RSU1: variants seen among roughly 807,000 people sequenced by gnomAD.
RSU1 encodes the protein rsu-1.
Under a neutral mutation model 31.1 loss-of-function variants are expected in RSU1, and 26 were observed. The observed-to-expected ratio is 0.84, with a 90% CI of 0.61 to 1.16. The LOEUF (loss-of-function observed/expected upper bound fraction) is 1.16. Among genes scored for constraint, RSU1 ranks in the 50% most tolerant of loss-of-function variants. The pLI, the probability that RSU1 is intolerant of heterozygous loss-of-function variation, is 0.00. For missense variants in RSU1, 320 were observed against 339.1 expected (o/e 0.94, Z 0.44); for synonymous variants, 164 against 136.3 (o/e 1.20, Z -1.41).
At chr10:16,635,004 A>T in intron 8 of RSU1, among the ~76,000 whole-genome samples, 1 of 152,330 alleles carries the variant, frequency 6.6e-6, no homozygotes, top group East Asian at 1.9e-4. Flanking sequence ...GTTTCTTACC[A>T]AGTTATTATA....
intron 2 of RSU1, among the ~76,000 whole-genome samples, chr10:16,794,697 G>C (rs544259390): frequency 1.3e-5 from 2 of 152,344 alleles, no homozygotes; most frequent in Admixed American, 6.5e-5. Context: ...AAGGTTTCCA[G>C]ATTCTAAATC....
At chr10:16,780,863 T>A (rs969224415) in intron 3 of RSU1, among the ~76,000 whole-genome samples, 6 of 152,210 alleles carry the variant, frequency 3.9e-5, no homozygotes, top group Admixed American at 3.3e-4. Context: ...TTTTGGCTTC[T>A]GTGGCCACCA....
intron 8 of RSU1, among the ~76,000 whole-genome samples, chr10:16,654,954 C>T (rs1015156331): frequency 4.0e-5 from 6 of 149,114 alleles, no homozygotes; most frequent in Non-Finnish European, 7.4e-5. Flanking sequence ...GCCCTAGCTA[C>T]TCAGGAGGCT....
At chr10:16,756,827 CTG>C (rs935360339) in intron 4 of RSU1, among the ~76,000 whole-genome samples, 7 of 137,356 alleles carry the variant, frequency 5.1e-5, no homozygotes, top group African/African-American at 1.1e-4. Context: ...GGGGTGTGTG[CTG>C]TGTGTGTGTG....
At chr10:16,729,873 G>T (rs1206296668) in intron 7 of RSU1, among the ~76,000 whole-genome samples, 1 of 152,166 alleles carries the variant, frequency 6.6e-6, no homozygotes, top group East Asian at 1.9e-4. Context: ...AAATGTGAAT[G>T]TAACAGACTT....
intron 8 of RSU1, among the ~76,000 whole-genome samples, chr10:16,601,182 C>T (rs759431536): frequency 6.6e-5 from 10 of 152,212 alleles, no homozygotes; most frequent in Non-Finnish European, 1.2e-4. Context: ...CCCCAAAAGG[C>T]AGGGAAGAGT....
chr10:16,805,004 C>A (rs1279360161), intron 2 of RSU1, among the ~76,000 whole-genome samples: 2 of 152,080 alleles, frequency 1.3e-5, no homozygotes, highest in Admixed American at 6.6e-5. Flanking sequence ...GCATCAACAG[C>A]CTGGCTAACT....
At chr10:16,670,613 C>T (rs1198613639) in intron 8 of RSU1, among the ~76,000 whole-genome samples, 2 of 152,138 alleles carry the variant, frequency 1.3e-5, no homozygotes, top group African/African-American at 2.4e-5. Flanking sequence ...GCCCATAAGA[C>T]ATTCTCAATT....
Position 16,679,062 on chromosome 10 carries a change from G to A in RSU1, c.731+15961C>T, listed in dbSNP as rs575099774. Among the ~76,000 whole-genome samples, 49 of 152,224 alleles carry A rather than the reference G, an allele frequency of 3.2e-4. 3 individuals carry two copies. The South Asian group carries it at 9.7e-3, about 30-fold the overall frequency. On this transcript the variant is annotated intron_variant, in intron 8 of 8. Coordinates refer to ENST00000345264, the MANE Select transcript of RSU1 (RefSeq NM_012425.4). ...CTATAAAAATAACGAAGCACCATAGGGAAGTCATAATCTAAGCTGAGTATT... is the reference window on the plus strand; with the variant it reads ...CTATAAAAATAACGAAGCACCATAGAGAAGTCATAATCTAAGCTGAGTATT...
chr10:16,725,710 A>G (rs1279235065), intron 7 of RSU1, among the ~76,000 whole-genome samples: 1 of 151,244 alleles, frequency 6.6e-6, no homozygotes, highest in East Asian at 1.9e-4. Flanking sequence ...AGAAAACTGA[A>G]TCTGTCCGCT....
intron 7 of RSU1, among the ~76,000 whole-genome samples, chr10:16,750,612 T>G (rs918190472): frequency 9.2e-5 from 14 of 152,160 alleles, no homozygotes; most frequent in African/African-American, 3.4e-4. Flanking sequence ...CCTCACTGCT[T>G]GAAAAATGAA....
At chr10:16,811,653 A>G (rs74116726) in intron 2 of RSU1, among the ~76,000 whole-genome samples, 5,994 of 152,302 alleles carry the variant, frequency 0.039, 290 homozygotes, top group African/African-American at 0.12. Flanking sequence ...CTTTGTTTCA[A>G]TGAAGCATTT....
chr10:16,625,656 G>A (rs1014146616), intron 8 of RSU1, among the ~76,000 whole-genome samples: 5 of 152,142 alleles, frequency 3.3e-5, no homozygotes, highest in African/African-American at 1.2e-4. Flanking sequence ...AAATGTCTTT[G>A]CCTGGCCAAT....
intron 2 of RSU1, 104 bp downstream of exon 2, chr10:16,816,869 G>A (rs544769084): frequency 7.7e-6 from 6 of 775,750 alleles, no homozygotes; most frequent in South Asian, 1.6e-5. Context: ...AGCAGGGGCT[G>A]GGGTCTAAAC....
At chr10:16,792,884 T>G (rs374761567) in intron 2 of RSU1, among the ~76,000 whole-genome samples, 11 of 152,192 alleles carry the variant, frequency 7.2e-5, no homozygotes, top group African/African-American at 2.4e-4. Flanking sequence ...TGGCCAGATG[T>G]CAGCACCGGG....
chr10:16,681,819 G>T (rs1031193372), intron 8 of RSU1, among the ~76,000 whole-genome samples: 10 of 152,240 alleles, frequency 6.6e-5, no homozygotes, highest in Middle Eastern at 3.4e-3. Context: ...TTTTAAAAAT[G>T]TTATTTTGAT....
intron 8 of RSU1, among the ~76,000 whole-genome samples, chr10:16,641,880 C>T (rs1158593156): frequency 6.6e-6 from 1 of 152,194 alleles, no homozygotes; most frequent in African/African-American, 2.4e-5. Context: ...CATCAGAAAC[C>T]TGATCCATGT....
chr10:16,628,395 G>C (rs943390429), intron 8 of RSU1, among the ~76,000 whole-genome samples: 14 of 152,084 alleles, frequency 9.2e-5, no homozygotes, highest in Non-Finnish European at 1.0e-4. Context: ...CAGTAGATTC[G>C]ATTTACCTTC....
rs1296207369 is a variant in RSU1, at chr10:16,757,323, C to T, written c.282-2334G>A. ...TGACAATAAAAATCATTCTAGCCAT[C>T]GATCCTTCTCCTAACACATTCAGCT... On this transcript the variant is annotated intron_variant, in intron 4 of 8. Coordinates refer to ENST00000345264, the MANE Select transcript of RSU1 (RefSeq NM_012425.4). Among the ~76,000 whole-genome samples, 4 of 152,070 alleles carry T rather than the reference C, an allele frequency of 2.6e-5. No individual in the cohort carries two copies. In the East Asian group the frequency reaches 5.8e-4, roughly 22 times the overall value.
Sources: gnomAD v4.1 joint callset for allele counts (sites outside exome capture counted in the v4.1 genomes callset) on GRCh38, gnomAD v4.1.1 for gene constraint, MANE v1.5 for transcripts, NCBI Gene and HGNC (gene_info 2026-07-23, HGNC 2026-07-21) for gene names.